The following C16orf96 variants were observed in gnomAD, a reference collection of about 807,000 sequenced individuals.
C16orf96 encodes the protein uncharacterized protein C16orf96.
C16orf96 carries 108 observed loss-of-function variants against 103.6 expected under a neutral mutation model. That is an observed-to-expected ratio of 1.04 (90% confidence interval 0.89 to 1.22). C16orf96 has a LOEUF of 1.22. Among genes scored for constraint, C16orf96 ranks in the 50% most tolerant of loss-of-function variants. The pLI is 0.00. For synonymous variants in C16orf96, 566 were observed against 593.5 expected, an observed-to-expected ratio of 0.95 and a Z score of 0.67; for missense variants, 1,586 against 1,464.2, an observed-to-expected ratio of 1.08 and a Z score of -1.36.
chr16:4,579,078 G>A, intron 6 of C16orf96, 53 bp downstream of exon 6: 1 of 1,468,952 alleles, frequency 6.8e-7, no homozygotes, highest in Non-Finnish European at 9.3e-7. Flanking sequence ...GAGGTGAGCT[G>A]GCTGAAGACT....
rs778174671 is a variant in C16orf96, at chr16:4,576,194, G to A, written c.1714G>A (p.Ala572Thr). The A allele has an allele frequency of 3.9e-5, 61 of 1,550,300 alleles. No individual in the cohort carries two copies. The East Asian group carries it at 7.6e-4, about 19-fold the overall frequency. ...GCTGAAAACCACCGCTGCCATCGCC[G>A]CCGCTGCCGCCGCAGCCTACGCCGC... The part of the protein sequence containing the change: ...HRLKTTAAIA[A>T]AAAAAYAAAT... The change falls in exon 5 of 16, where the codon GCC (alanine) becomes ACC (threonine). Residue 572 changes from alanine (A) to threonine (T), a missense_variant. Ala to Thr is a moderately conservative substitution (Grantham distance 58, BLOSUM62 0). Transcript: ENST00000444310.
At chr16:4,580,175 T>A in intron 7 of C16orf96, 50 bp downstream of exon 7, 1 of 1,381,072 alleles carries the variant, frequency 7.2e-7, no homozygotes, top group Non-Finnish European at 9.7e-7. Context: ...GGAGAATTCC[T>A]CACCTAGACC....
intron 1 of C16orf96, among the ~76,000 whole-genome samples, chr16:4,564,166 C>G (rs2059362975): frequency 6.6e-6 from 1 of 151,878 alleles, no homozygotes; most frequent in Admixed American, 6.6e-5. Flanking sequence ...GAAACTCCAT[C>G]TTAAAAAAAA....
chr16:4,579,951 C>T, intron 6 of C16orf96, 64 bp from the exon 7 acceptor site: 1 of 1,380,874 alleles, frequency 7.2e-7, no homozygotes, highest in Non-Finnish European at 1.0e-6. Context: ...CTCCCTCAGG[C>T]CCCTTCCCGG....
In C16orf96 at chr16:4,556,738, C is replaced by A. The variant is rs113375770; in HGVS notation, c.249C>A (p.His83Gln). The A allele has an allele frequency of 1.9e-6, 3 of 1,551,628 alleles. No individual in the cohort carries two copies. In the African/African-American group the frequency reaches 4.1e-5, roughly 21 times the overall value. Reference protein sequence around the residue: ...PMKRLSNVFDHVVSRLDKLEN... With the variant: ...PMKRLSNVFDQVVSRLDKLEN... The stretch of plus-strand genomic sequence containing the variant: ...AGAGGCTCAGCAATGTCTTCGACCA[C>A]GTGGTGAGCCGCCTCGACAAGTTGG... The change falls in exon 1 of 16, where the codon CAC becomes CAA. Residue 83 changes from histidine (H) to glutamine (Q), a missense_variant. Coordinates refer to ENST00000444310, the MANE Select transcript of C16orf96 (RefSeq NM_001145011.2).
At chr16:4,555,547 A>G (rs2059254874), upstream of C16orf96, among the ~76,000 whole-genome samples, 1 of 151,340 alleles carries the variant, frequency 6.6e-6, no homozygotes, top group African/African-American at 2.4e-5. Flanking sequence ...TGATTTTTGT[A>G]TTTTTAGTAG....
At chr16:4,551,680 C>G (rs1408474806), upstream of C16orf96, among the ~76,000 whole-genome samples, 1 of 152,118 alleles carries the variant, frequency 6.6e-6, no homozygotes, top group Non-Finnish European at 1.5e-5. Context: ...TCTCCATCTC[C>G]TGACCTCGTG....
rs1014080568 is a variant in C16orf96 at position 4,600,578 on chromosome 16, A to T, written c.*261A>T. 9.1e-6 allele frequency: 4 copies of T among 440,580 alleles called. No homozygotes were observed. The highest frequency in any genetic ancestry group is 1.7e-5 in the Non-Finnish European group (4 of 239,254). The allele number at this position is 440,580 out of a possible 1,614,324, so 27.3% of individuals were successfully genotyped here. ...CCCCACCAAGTCCCGTCCCCGGCTG[A>T]GACCCAGGGCCCTGAGCCTGGCCCA... On this transcript the variant is annotated 3_prime_UTR_variant, in exon 16 of 16. Transcript: ENST00000444310.
At chr16:4,568,827 G>T (rs1018203542) in intron 1 of C16orf96, among the ~76,000 whole-genome samples, 1 of 147,410 alleles carries the variant, frequency 6.8e-6, no homozygotes, top group African/African-American at 2.5e-5. Context: ...ATGGGAGACC[G>T]CTATGTTGCC....
At chr16:4,598,616 A>G (rs1897223162) in intron 14 of C16orf96, among the ~76,000 whole-genome samples, 1 of 152,100 alleles carries the variant, frequency 6.6e-6, no homozygotes, top group Non-Finnish European at 1.5e-5. Context: ...TTTACTTCGA[A>G]TAATGAAAAA....
intron 5 of C16orf96, among the ~76,000 whole-genome samples, chr16:4,578,242 G>A (rs571801338): frequency 1.6e-3 from 245 of 152,114 alleles, no homozygotes; most frequent in African/African-American, 5.4e-3. Flanking sequence ...TCCTGGGTTC[G>A]AGAGATTCTC....
intron 7 of C16orf96, among the ~76,000 whole-genome samples, chr16:4,585,278 A>ACCCCC (rs149402917): frequency 9.4e-6 from 1 of 106,518 alleles, no homozygotes; most frequent in Non-Finnish European, 1.8e-5. Flanking sequence ...ACATAGTGAG[A>ACCCCC]CCCCTGTCTC....
chr16:4,561,966 ACTGTTTCGTCTAACC>A (rs1460983437), intron 1 of C16orf96, among the ~76,000 whole-genome samples: 2 of 152,082 alleles, frequency 1.3e-5, no homozygotes, highest in African/African-American at 4.8e-5. Flanking sequence ...TGTTGTTGAA[ACTGTTTCGTCTAACC>A]CTGTTTCCAT....
rs1330768856 is a variant in C16orf96, at chr16:4,593,331, C to T, written c.2867+15C>T. 1.4e-5 allele frequency: 21 copies of T among 1,548,756 alleles called. No homozygotes were observed. The East Asian group carries it at 2.0e-4, about 14-fold the overall frequency. On this transcript the variant is annotated intron_variant, in intron 12 of 15. Transcript: ENST00000444310. This position sits in a 1 kb window ranked among gnomAD's most constrained non-coding sequence, Gnocchi z 4.2. ...CAACAGATGAGGTGAGCAGGATGGG[C>T]GCCCCGCAGGGAGGCCGCCCCGCAT...
chr16:4,600,568 T>A lies in C16orf96; in HGVS notation c.*251T>A, dbSNP rs1897263774. The A allele has an allele frequency of 2.4e-6, 1 of 414,736 alleles. No homozygotes were observed. The highest frequency in any genetic ancestry group is 4.4e-6 in the Non-Finnish European group (1 of 227,256). 25.7% of individuals were successfully genotyped at this position (414,736 alleles called of 1,614,324 possible). A position where few individuals can be genotyped will look rare whatever the true frequency, so the allele number is the denominator to read the frequency against. ...CCCCCCCCACCCCCACCAAGTCCCG[T>A]CCCCGGCTGAGACCCAGGGCCCTGA... is the stretch of plus-strand genomic sequence containing the variant. On this transcript the variant is annotated 3_prime_UTR_variant, in exon 16 of 16. Transcript: ENST00000444310.
the C16orf96 span, among the ~76,000 whole-genome samples, chr16:4,540,139 G>A: frequency 2.0e-5 from 3 of 152,176 alleles, no homozygotes; most frequent in Non-Finnish European, 2.9e-5. Flanking sequence ...CCACTGGGTG[G>A]CTACTTGCTC....
chr16:4,551,937 G>A (rs1034395597), upstream of C16orf96, among the ~76,000 whole-genome samples: 3 of 151,634 alleles, frequency 2.0e-5, no homozygotes, highest in Admixed American at 6.6e-5. Flanking sequence ...GACAGGCCCC[G>A]GTGTGTGACA....
At chr16:4,559,599 T>C (rs1487174290) in intron 1 of C16orf96, among the ~76,000 whole-genome samples, 2 of 151,852 alleles carry the variant, frequency 1.3e-5, no homozygotes, top group African/African-American at 4.8e-5. Context: ...GAAATTGACC[T>C]AACATAAAAT....
chr16:4,553,804 T>G (rs1046263327), upstream of C16orf96, among the ~76,000 whole-genome samples: 2 of 152,194 alleles, frequency 1.3e-5, no homozygotes, highest in Non-Finnish European at 2.9e-5. Context: ...AGCACTGGCC[T>G]GGCATGTTAC....
Sources: allele counts gnomAD v4.1 joint callset (sites outside exome capture counted in the v4.1 genomes callset), GRCh38; gene constraint gnomAD v4.1.1; non-coding constraint Gnocchi (gnomAD v3.1); transcripts MANE v1.5; gene names NCBI Gene and HGNC (gene_info 2026-07-23, HGNC 2026-07-21).